OPTN: variants seen among roughly 807,000 people sequenced by gnomAD.
OPTN encodes optineurin.
In OPTN, 54 loss-of-function variants were observed where a neutral mutation model predicts 70.4. The ratio of observed to expected loss-of-function variants is 0.77; its 90% CI spans 0.62 to 0.96. The LOEUF (loss-of-function observed/expected upper bound fraction) is 0.96. OPTN is among the 40% of genes least tolerant of loss of function. OPTN has a pLI of 0.00. For synonymous variants in OPTN, 256 were observed against 248.5 expected (o/e 1.03, Z -0.28); for missense variants, 624 against 673.2 (o/e 0.93, Z 0.81).
chr10:13,117,674 T>G (rs1833250244), intron 6 of OPTN, among the ~76,000 whole-genome samples: 1 of 150,654 alleles, frequency 6.6e-6, no homozygotes, highest in South Asian at 2.1e-4. Flanking sequence ...CTCGAACTCC[T>G]GACCTCAGGT....
rs1833636851 is a variant in OPTN, at chr10:13,133,580, A to G, written c.1611A>G (p.Arg537=). Residue 537 remains arginine (R), a splice_region_variant and synonymous_variant, in exon 14 of 15, where the codon AGA becomes AGG. Coordinates refer to ENST00000378747, the MANE Select transcript of OPTN (RefSeq NM_001008212.2). ...ACCAGCAGGCTTACCTTGTTCAAAG[A>G]GGTGAGTCCCGTGTGATCCTGGATT... The part of the protein sequence containing the change: ...DSDQQAYLVQ[R]GAEDRDWRQQ... The G allele has an allele frequency of 6.2e-7, 1 of 1,613,804 alleles. No homozygotes were observed. Among genetic ancestry groups the G allele is most frequent in the Non-Finnish European group, 8.5e-7 (1 of 1,179,706 alleles).
rs942821732 is a variant in OPTN, at chr10:13,133,708, A to G, written c.1612+127A>G. 1.4e-5 allele frequency: 11 copies of G among 789,310 alleles called. No homozygotes were observed. In the African/African-American group the frequency reaches 1.9e-4, roughly 13 times the overall value. The allele number at this position is 789,310 out of a possible 1,614,324, so 48.9% of individuals were successfully genotyped here. A position where few individuals can be genotyped will look rare whatever the true frequency, so the allele number is the denominator to read the frequency against. ...AGGCACCAAAAATATAGCACCCGTC[A>G]GTCTCATTACCACAGCACTCCCATC... On this transcript the variant is annotated intron_variant, in intron 14 of 14. Coordinates refer to ENST00000378747, the MANE Select transcript of OPTN (RefSeq NM_001008212.2).
chr10:13,110,184 A>G (rs951364762), intron 3 of OPTN, 90 bp from the exon 4 acceptor site: 4 of 1,569,320 alleles, frequency 2.5e-6, no homozygotes, highest in Non-Finnish European at 3.5e-6. Context: ...ATTCAGAGCC[A>G]TGTGGTCAAG....
Position 13,127,833 on chromosome 10 carries a change from T to C in OPTN, c.1331T>C (p.Met444Thr). The C allele has an allele frequency of 6.2e-7, 1 of 1,613,876 alleles. No individual in the cohort carries two copies. Residue 444 changes from methionine (M) to threonine (T), a missense_variant, in exon 12 of 15, where the codon ATG (methionine) becomes ACG (threonine). By Grantham distance (81) the Met-to-Thr change is moderately conservative. Coordinates refer to ENST00000378747, the MANE Select transcript of OPTN (RefSeq NM_001008212.2). ...GCTCTGGCTTCCAAACAGCTGCAAA[T>C]GGATGAAATGAAGCAAACCATTGCC... Reference protein sequence around the residue: ...EKALASKQLQMDEMKQTIAKQ... With the variant: ...EKALASKQLQTDEMKQTIAKQ...
chr10:13,136,857 C>T lies in OPTN; in HGVS notation c.1725C>T (p.Cys575=), dbSNP rs774424873. 2 of 1,614,190 alleles carry T rather than the reference C, an allele frequency of 1.2e-6. No homozygotes were observed. Among genetic ancestry groups the T allele is most frequent in the Non-Finnish European group, 1.7e-6 (2 of 1,180,020 alleles). ...CGTTACAGATTCACGTGATGGATTGCATCATTTAAGTGTTGATGTATCACC... is the reference window on the plus strand; with the variant it reads ...CGTTACAGATTCACGTGATGGATTGTATCATTTAAGTGTTGATGTATCACC... The part of the protein sequence containing the change: ...IDTLQIHVMD[C]II Residue 575 remains cysteine, a synonymous_variant, in exon 15 of 15, where the codon TGC becomes TGT. Coordinates refer to ENST00000378747, the MANE Select transcript of OPTN (RefSeq NM_001008212.2).
Position 13,136,862 on chromosome 10 carries a change from T to C in OPTN, c.1730T>C (p.Ile577Thr), listed in dbSNP as rs552807448. The change falls in exon 15 of 15, where the codon ATT becomes ACT. Residue 577 changes from isoleucine to threonine, a missense_variant. By Grantham distance (89) the Ile-to-Thr change is moderately conservative. Coordinates refer to ENST00000378747, the MANE Select transcript of OPTN (RefSeq NM_001008212.2). ...CAGATTCACGTGATGGATTGCATCA[T>C]TTAAGTGTTGATGTATCACCTCCCC... is the stretch of plus-strand genomic sequence containing the variant. ...TLQIHVMDCII is the reference protein window; with the variant it reads ...TLQIHVMDCIT 50 of 1,614,244 alleles carry C rather than the reference T, an allele frequency of 3.1e-5. 1 individual carries two copies. The highest frequency in any genetic ancestry group is 4.1e-5 in the Non-Finnish European group (48 of 1,180,038).
intron 4 of OPTN, among the ~76,000 whole-genome samples, chr10:13,111,413 G>A (rs1259476329): frequency 6.6e-6 from 1 of 151,916 alleles, no homozygotes; most frequent in Admixed American, 6.6e-5. Context: ...AAAATAAATC[G>A]TGGGCTAGGC....
intron 8 of OPTN, chr10:13,123,314 G>A (rs146718825): frequency 1.3e-5 from 2 of 152,688 alleles, no homozygotes; most frequent in Non-Finnish European, 2.9e-5. Context: ...TAGCCATAGG[G>A]GCCCACGTGA....
intron 13 of OPTN, among the ~76,000 whole-genome samples, chr10:13,132,951 G>C (rs1833624370): frequency 6.6e-6 from 1 of 151,982 alleles, no homozygotes; most frequent in African/African-American, 2.4e-5. Flanking sequence ...GTTGTAGTTA[G>C]AATCAAAGTC....
intron 5 of OPTN, among the ~76,000 whole-genome samples, chr10:13,114,704 A>T (rs994086000): frequency 4.3e-5 from 6 of 139,680 alleles, no homozygotes; most frequent in African/African-American, 1.6e-4. Flanking sequence ...TATATAATGA[A>T]TATATAATAT....
chr10:13,133,519 T>C lies in OPTN; in HGVS notation c.1550T>C (p.Met517Thr). 1 of 1,614,166 alleles carries C rather than the reference T, an allele frequency of 6.2e-7. No individual in the cohort carries two copies. Among genetic ancestry groups the C allele is most frequent in the South Asian group, 1.1e-5 (1 of 91,078 alleles). ...CCTGGCAGGCAGTCCTTGATGGAGA[T>C]GCAGAGTCGTCATGGGGCGAGAACA... ...EDGGRQSLME[M>T]QSRHGARTSD... The change falls in exon 14 of 15, where the codon ATG becomes ACG. Residue 517 changes from methionine (M) to threonine (T), a missense_variant. By Grantham distance (81) the Met-to-Thr change is moderately conservative. Coordinates refer to ENST00000378747, the MANE Select transcript of OPTN (RefSeq NM_001008212.2).
chr10:13,112,457 C>T lies in OPTN; in HGVS notation c.374C>T (p.Pro125Leu). 1 of 1,613,974 alleles carries T rather than the reference C, an allele frequency of 6.2e-7. No individual in the cohort carries two copies. Reference sequence around the variant, plus strand: ...TTTACTCCTTGTCATCTCCAGGACCCCACTGATGACTCCAGGCTTCCCAGG... The same window carrying T: ...TTTACTCCTTGTCATCTCCAGGACCTCACTGATGACTCCAGGCTTCCCAGG... ...KGKSERSSED[P>L]TDDSRLPRAE... Residue 125 changes from proline (P) to leucine (L), a missense_variant, in exon 5 of 15, where the codon CCC becomes CTC. Pro to Leu is a moderately conservative substitution (Grantham distance 98). Transcript: ENST00000378747.
intron 3 of OPTN, chr10:13,109,494 AT>A: frequency 3.5e-6 from 2 of 575,644 alleles, no homozygotes; most frequent in South Asian, 4.0e-5. Flanking sequence ...AACTGTGTGT[AT>A]CTCAAGGAAG....
intron 5 of OPTN, among the ~76,000 whole-genome samples, chr10:13,113,549 G>A (rs138725910): frequency 1.8e-3 from 278 of 152,260 alleles, no homozygotes; most frequent in Middle Eastern, 3.4e-3. Flanking sequence ...AGTGGGCTAA[G>A]CGAGGGGGCC....
intron 5 of OPTN, among the ~76,000 whole-genome samples, chr10:13,115,443 TA>T (rs1188132507): frequency 1.9e-5 from 2 of 105,266 alleles, no homozygotes; most frequent in South Asian, 5.2e-4. Context: ...AGAATATATA[TA>T]ATATATTCTA....
rs2131536945 is a variant in OPTN at position 13,138,126 on chromosome 10, T to C, written c.*1260T>C. 5.1e-6 allele frequency: 1 copy of C among 196,768 alleles called. No individual in the cohort carries two copies. The highest frequency in any genetic ancestry group is 1.9e-4 in the South Asian group (1 of 5,204). 12.2% of individuals were successfully genotyped at this position (196,768 alleles called of 1,614,324 possible). A position where few individuals can be genotyped will look rare whatever the true frequency, so the allele number is the denominator to read the frequency against. ...GATCCCTTTACTGGAGCCCAGTATG[T>C]GCTGTGTGAGTTAGAAGTCATTCTT... On this transcript the variant is annotated 3_prime_UTR_variant, in exon 15 of 15. Coordinates refer to ENST00000378747, the MANE Select transcript of OPTN (RefSeq NM_001008212.2).
In OPTN at chr10:13,109,663, A is replaced by C. The variant is rs549091964; in HGVS notation, c.166+375A>C. On this transcript the variant is annotated intron_variant, in intron 3 of 14. Transcript: ENST00000378747. ...CAAGATGGCAAGACCTGATCTCTAC[A>C]AAAAAATTAAAAAAAAAAAAAAAAA... The C allele has an allele frequency of 9.1e-4, 111 of 122,638 alleles. 1 individual carries two copies. The highest frequency in any genetic ancestry group is 3.5e-3 in the African/African-American group (99 of 28,222). 7.6% of individuals were successfully genotyped at this position (122,638 alleles called of 1,614,324 possible).
chr10:13,108,880 A>G (rs1448538378), intron 2 of OPTN: 2 of 516,248 alleles, frequency 3.9e-6, no homozygotes, highest in Non-Finnish European at 3.6e-6. Flanking sequence ...ATACACACAC[A>G]CGCACACACA....
chr10:13,121,500 T>TA (rs200687404), intron 7 of OPTN, among the ~76,000 whole-genome samples: 11,816 of 89,828 alleles, frequency 0.13, 1,623 homozygotes, highest in East Asian at 0.34. Flanking sequence ...GATTATCCTG[T>TA]AAAAAAAAAA....
Sources: gnomAD v4.1 joint callset for allele counts (sites outside exome capture counted in the v4.1 genomes callset) on GRCh38, gnomAD v4.1.1 for gene constraint, MANE v1.5 for transcripts, NCBI Gene and HGNC (gene_info 2026-07-23, HGNC 2026-07-21) for gene names.